The following ROBO2 variants were observed in gnomAD, a reference collection of about 807,000 sequenced individuals.
ROBO2 encodes the protein roundabout guidance receptor 2.
Under a neutral mutation model 160.8 loss-of-function variants are expected in ROBO2, and 53 were observed. The observed-to-expected ratio is 0.33, with a 90% confidence interval of 0.26 to 0.41. The LOEUF (loss-of-function observed/expected upper bound fraction) is 0.41. Ranked by LOEUF, ROBO2 falls within the 10% of genes least tolerant of loss-of-function variation. The pLI, the probability that ROBO2 is intolerant of heterozygous loss-of-function variation, is 1.00. For synonymous variants in ROBO2, 664 were observed against 611.7 expected (o/e 1.09, Z -1.26); for missense variants, 1,577 against 1,722.4 (o/e 0.92, Z 1.49).
chr3:76,565,987 C>T (rs2108534760), intron 2 of ROBO2, among the ~76,000 whole-genome samples: 1 of 152,280 alleles, frequency 6.6e-6, no homozygotes, highest in African/African-American at 2.4e-5. Flanking sequence ...CCATTACCAG[C>T]TGGCACTGAT....
intron 2 of ROBO2, among the ~76,000 whole-genome samples, chr3:77,277,629 G>T (rs1471989947): frequency 6.6e-6 from 1 of 152,152 alleles, no homozygotes; most frequent in Admixed American, 6.5e-5. Context: ...CAAAGGACAT[G>T]ATCTTGTTCC....
chr3:77,237,442 T>TGTGTGTGTGTGTGTGTGTG (rs892468313), intron 2 of ROBO2, among the ~76,000 whole-genome samples: 3 of 150,696 alleles, frequency 2.0e-5, no homozygotes, highest in South Asian at 4.2e-4. Flanking sequence ...TGTGTGTGTG[T>TGTGTGTGTGTGTGTGTGTG]GTGGTGGTGA....
chr3:77,509,266 G>T (rs2089043280), intron 5 of ROBO2, among the ~76,000 whole-genome samples: 1 of 151,616 alleles, frequency 6.6e-6, no homozygotes, highest in Non-Finnish European at 1.5e-5. Flanking sequence ...AAGGCCTTTT[G>T]TATTTGTAAA....
intron 2 of ROBO2, among the ~76,000 whole-genome samples, chr3:77,294,942 G>T (rs1041171242): frequency 6.6e-6 from 1 of 151,360 alleles, no homozygotes; most frequent in African/African-American, 2.4e-5. Flanking sequence ...AAAATTGATG[G>T]TTAAACGAGT....
At chr3:77,584,517 A>G (rs2093993705) in intron 16 of ROBO2, among the ~76,000 whole-genome samples, 1 of 152,184 alleles carries the variant, frequency 6.6e-6, no homozygotes, top group African/African-American at 2.4e-5. Flanking sequence ...GCTGACTGCC[A>G]GCTTCTAGAG....
At chr3:77,579,150 T>G (rs1479023442) in intron 15 of ROBO2, among the ~76,000 whole-genome samples, 1 of 152,160 alleles carries the variant, frequency 6.6e-6, no homozygotes, top group Non-Finnish European at 1.5e-5. Context: ...ATAATATGAA[T>G]ACAAATGTGG....
intron 2 of ROBO2, among the ~76,000 whole-genome samples, chr3:77,110,099 C>G (rs2073371266): frequency 6.6e-6 from 1 of 152,122 alleles, no homozygotes; most frequent in Admixed American, 6.5e-5. Flanking sequence ...ATTTGATTTT[C>G]TCTGTACAGT....
At chr3:77,108,476 A>G (rs2073156021) in intron 2 of ROBO2, among the ~76,000 whole-genome samples, 1 of 152,136 alleles carries the variant, frequency 6.6e-6, no homozygotes, top group South Asian at 2.1e-4. Flanking sequence ...CATCAGGGCC[A>G]GAGAATACTT....
chr3:77,477,517 C>T (rs1343291098), exon 3 of ROBO2: 3 of 1,613,858 alleles, frequency 1.9e-6, no homozygotes, highest in Admixed American at 1.7e-5. Context: ...CAGAACCCAC[C>T]ATCTACTGGA....
intron 2 of ROBO2, among the ~76,000 whole-genome samples, chr3:76,798,284 G>GA (rs1179946112): frequency 6.9e-6 from 1 of 145,328 alleles, no homozygotes; most frequent in African/African-American, 2.6e-5. Context: ...AAGAAAGAAA[G>GA]AAAGAAAGAA....
chr3:76,658,224 CT>C lies in ROBO2; in HGVS notation c.110-439782del, dbSNP rs201660919. On this transcript the variant is annotated intron_variant, in intron 2 of 26. Coordinates refer to the ROBO2 transcript ENST00000487694. Reference sequence around the variant, plus strand: ...TACCCAGACATAGTCACTATTATCTCTTTTTTTTGGTGTGTGTTCTTCCAGA... The same window carrying C: ...TACCCAGACATAGTCACTATTATCTCTTTTTTTGGTGTGTGTTCTTCCAGA... Among the ~76,000 whole-genome samples, 1,325 of 151,192 alleles carry C rather than the reference CT, an allele frequency of 8.8e-3. 12 individuals are homozygous for C. The highest frequency in any genetic ancestry group is 0.028 in the African/African-American group (1,147 of 41,292).
At chr3:77,607,806 G>A (rs1227092622) in exon 21 of ROBO2, 3 of 1,613,552 alleles carry the variant, frequency 1.9e-6, no homozygotes, top group Non-Finnish European at 2.5e-6. Context: ...AGGTGGGAAA[G>A]GTGGAAAAAA....
intron 2 of ROBO2, among the ~76,000 whole-genome samples, chr3:76,572,235 A>G (rs2085000437): frequency 6.6e-6 from 1 of 152,114 alleles, no homozygotes; most frequent in Non-Finnish European, 1.5e-5. Context: ...TAAAAAATCT[A>G]AGATCCTGAG....
chr3:77,535,210 CTTTT>C (rs59166969), intron 6 of ROBO2, among the ~76,000 whole-genome samples: 1 of 143,506 alleles, frequency 7.0e-6, no homozygotes, highest in African/African-American at 2.5e-5. Context: ...TTTTCTTTTT[CTTTT>C]TTTTTTTTTC....
intron 2 of ROBO2, among the ~76,000 whole-genome samples, chr3:76,886,185 T>C (rs1014019740): frequency 6.6e-6 from 1 of 151,462 alleles, no homozygotes; most frequent in South Asian, 2.1e-4. Context: ...CACTTCCTAA[T>C]AAAGAATTAG....
In ROBO2 at chr3:77,214,139, A is replaced by T. The variant is rs1192110070; in HGVS notation, c.388+115799A>T. 5.3e-5 allele frequency among the ~76,000 whole-genome samples: 8 copies of T among 151,846 alleles called. No homozygotes were observed. The East Asian group carries it at 1.2e-3, about 22-fold the overall frequency. ...GTTCAGTTTCTGGATATCCTTGTTA[A>T]CTTTCTGTCTCGTTTATCTGTCTAA... On this transcript the variant is annotated intron_variant, in intron 2 of 25. Coordinates refer to ENST00000461745, the Ensembl canonical transcript of ROBO2.
intron 2 of ROBO2, among the ~76,000 whole-genome samples, chr3:76,551,339 C>A (rs1016063483): frequency 6.6e-6 from 1 of 152,106 alleles, no homozygotes. Flanking sequence ...ATCAGGACAA[C>A]CTGCCTGCAG....
At chr3:76,067,072 C>T (rs1388493774) in intron 2 of ROBO2, among the ~76,000 whole-genome samples, 1 of 152,050 alleles carries the variant, frequency 6.6e-6, no homozygotes, top group African/African-American at 2.4e-5. Flanking sequence ...TATGGCTGAC[C>T]TAGGAAGCCC....
At chr3:75,938,036 G>A (rs1947877946) in intron 2 of ROBO2, among the ~76,000 whole-genome samples, 1 of 151,362 alleles carries the variant, frequency 6.6e-6, no homozygotes, top group Non-Finnish European at 1.5e-5. Flanking sequence ...GGGTTTTTGT[G>A]TTTTACATTT....
Sources: gnomAD v4.1 joint callset for allele counts (sites outside exome capture counted in the v4.1 genomes callset) on GRCh38, gnomAD v4.1.1 for gene constraint, MANE v1.5 for transcripts, NCBI Gene and HGNC (gene_info 2026-07-23, HGNC 2026-07-21) for gene names.